The following RAD51 variants were observed in gnomAD, a reference collection of about 807,000 sequenced individuals.
RAD51 encodes DNA repair protein RAD51 homolog 1.
In RAD51, 14 loss-of-function variants were observed where a neutral mutation model predicts 41.5. The observed-to-expected ratio is 0.34, with a 90% CI of 0.22 to 0.53. The LOEUF is 0.53. RAD51 is among the 20% of genes least tolerant of loss of function. RAD51 has a pLI of 0.95. For synonymous variants in RAD51, 136 were observed against 148.6 expected (o/e 0.92, Z 0.62); for missense variants, 234 against 422.0 (o/e 0.55, Z 3.90).
At chr15:40,724,459 C>T (rs968469079) in intron 6 of RAD51, among the ~76,000 whole-genome samples, 3 of 152,038 alleles carry the variant, frequency 2.0e-5, no homozygotes, top group Non-Finnish European at 4.4e-5. Context: ...AGCAGTAGAG[C>T]AATGCATTCA....
chr15:40,717,737 C>T (rs932029333), intron 5 of RAD51, among the ~76,000 whole-genome samples: 9 of 152,104 alleles, frequency 5.9e-5, no homozygotes, highest in Non-Finnish European at 1.2e-4. Context: ...TTGCTATAGA[C>T]ACTCCGAGGG....
intron 3 of RAD51, among the ~76,000 whole-genome samples, chr15:40,704,582 G>C (rs990245360): frequency 6.6e-6 from 1 of 150,972 alleles, no homozygotes; most frequent in African/African-American, 2.4e-5. Flanking sequence ...GGCTGGTCTT[G>C]AACTCCTGAC....
chr15:40,713,069 C>T (rs940336069), intron 5 of RAD51, among the ~76,000 whole-genome samples: 2 of 150,696 alleles, frequency 1.3e-5, no homozygotes, highest in East Asian at 2.0e-4. Context: ...TTAGTAGAGA[C>T]GAGGTTTCAC....
At chr15:40,695,489 C>T (rs1438795342) in intron 1 of RAD51, 64 bp downstream of exon 1, 2 of 151,594 alleles carry the variant, frequency 1.3e-5, no homozygotes, top group African/African-American at 2.4e-5. Flanking sequence ...CACCTGCGTC[C>T]TGGCCGGTCC....
intron 5 of RAD51, among the ~76,000 whole-genome samples, chr15:40,717,408 C>G (rs1896045042): frequency 6.6e-6 from 1 of 152,152 alleles, no homozygotes; most frequent in Non-Finnish European, 1.5e-5. Flanking sequence ...GGATTTTCCT[C>G]ATAATTTAAA....
rs749669458 is a variant in RAD51, at chr15:40,698,862, T to G, written c.87+17T>G. ...CGGTTAGAGGTATGTGGTTAGTTGC[T>G]AATTTTGGAATTATATACTAGATTC... On this transcript the variant is annotated intron_variant, in intron 2 of 9. Coordinates refer to ENST00000267868, the MANE Select transcript of RAD51 (RefSeq NM_002875.5). 3 of 1,608,648 alleles carry G rather than the reference T, an allele frequency of 1.9e-6. No homozygotes were observed. The highest frequency in any genetic ancestry group is 1.7e-5 in the Admixed American group (1 of 60,018).
At chr15:40,713,202 A>G (rs1048565655) in intron 5 of RAD51, among the ~76,000 whole-genome samples, 4 of 144,780 alleles carry the variant, frequency 2.8e-5, no homozygotes, top group African/African-American at 1.0e-4. Context: ...TAAATTTAAC[A>G]TCAAGTAACC....
chr15:40,722,102 A>T (rs1312275187), intron 6 of RAD51, among the ~76,000 whole-genome samples: 2 of 152,198 alleles, frequency 1.3e-5, no homozygotes, highest in Admixed American at 1.3e-4. Context: ...TAAGTGAAAT[A>T]ATTTAGTCAC....
rs1894539036 is a variant in RAD51 at position 40,695,257 on chromosome 15, C to G, written c.-171C>G. ...GTGCGGCGCTTCCCGAGGCGTGCAGCTGGGAACTGCAACTCATCTGGGTTG... is the reference window on the plus strand; with the variant it reads ...GTGCGGCGCTTCCCGAGGCGTGCAGGTGGGAACTGCAACTCATCTGGGTTG... On this transcript the variant is annotated 5_prime_UTR_variant, in exon 1 of 10. Transcript: ENST00000267868. 3 of 152,342 alleles carry G rather than the reference C, an allele frequency of 2.0e-5. 1 individual carries two copies. The South Asian group carries it at 6.2e-4, about 31-fold the overall frequency. 9.4% of individuals were successfully genotyped at this position (152,342 alleles called of 1,614,324 possible).
At chr15:40,705,938 A>G (rs1163003128) in intron 3 of RAD51, among the ~76,000 whole-genome samples, 1 of 152,186 alleles carries the variant, frequency 6.6e-6, no homozygotes, top group Non-Finnish European at 1.5e-5. Flanking sequence ...CTATATTAAT[A>G]TATTAACTTG....
intron 8 of RAD51, 32 bp downstream of exon 8, chr15:40,729,666 A>G (rs767530826): frequency 5.0e-6 from 8 of 1,613,128 alleles, no homozygotes; most frequent in Admixed American, 1.7e-5. Flanking sequence ...GAGAATGCCT[A>G]CTTTCAGTGG....
rs1595986735 is a variant in RAD51, at chr15:40,706,046, A to T, written c.226-131A>T. The T allele has an allele frequency of 7.5e-6, 5 of 662,408 alleles. No homozygotes were observed. In the East Asian group the frequency reaches 1.1e-4, roughly 15 times the overall value. The allele number at this position is 662,408 out of a possible 1,614,324, so 41.0% of individuals were successfully genotyped here. Reference sequence around the variant, plus strand: ...GAAATCATCCTGGTAATTTTATTTGATATTTTCTCTTCCCATTGCACACCT... The same window carrying T: ...GAAATCATCCTGGTAATTTTATTTGTTATTTTCTCTTCCCATTGCACACCT... On this transcript the variant is annotated intron_variant, in intron 3 of 9. Coordinates refer to ENST00000267868, the MANE Select transcript of RAD51 (RefSeq NM_002875.5).
intron 5 of RAD51, among the ~76,000 whole-genome samples, 178 bp downstream of exon 5, chr15:40,709,294 C>T (rs1895541383): frequency 1.3e-5 from 2 of 151,964 alleles, no homozygotes; most frequent in Non-Finnish European, 2.9e-5. Context: ...TAGAAACTTC[C>T]AAATCATTGA....
chr15:40,704,614 C>G (rs1013637494), intron 3 of RAD51, among the ~76,000 whole-genome samples: 29 of 151,158 alleles, frequency 1.9e-4, no homozygotes, highest in African/African-American at 6.8e-4. Flanking sequence ...CCCACCTCAC[C>G]CTACCAAAGT....
In RAD51 at chr15:40,716,173, A is replaced by G. The variant is rs552853885; in HGVS notation, c.436-2632A>G. On this transcript the variant is annotated intron_variant, in intron 5 of 9. Transcript: ENST00000267868. ...CTAAACGCTTTACATGAATTATTTTATTTAGTTTTTAAAACAATCCCATAA... is the reference window on the plus strand; with the variant it reads ...CTAAACGCTTTACATGAATTATTTTGTTTAGTTTTTAAAACAATCCCATAA... Among the ~76,000 whole-genome samples the G allele has an allele frequency of 1.3e-3, 195 of 152,218 alleles. 1 individual carries two copies. The highest frequency in any genetic ancestry group is 1.8e-3 in the Non-Finnish European group (123 of 68,034).
chr15:40,698,683 C>G lies in RAD51; in HGVS notation c.-2-74C>G, dbSNP rs114873497. The G allele has an allele frequency of 2.6e-4, 355 of 1,379,998 alleles. No homozygotes were observed. In the African/African-American group the frequency reaches 4.2e-3, roughly 16 times the overall value. The allele number at this position is 1,379,998 out of a possible 1,614,324, so 85.5% of individuals were successfully genotyped here. A position where few individuals can be genotyped will look rare whatever the true frequency, so the allele number is the denominator to read the frequency against. ...CCTAAAGTCTTTTTGATACGACTAG[C>G]TAGATAGAAGATGGGGAGAGAGATG... On this transcript the variant is annotated intron_variant, in intron 1 of 9. Coordinates refer to ENST00000267868, the MANE Select transcript of RAD51 (RefSeq NM_002875.5).
At chr15:40,720,912 TG>T (rs2141862106) in intron 6 of RAD51, among the ~76,000 whole-genome samples, 1 of 152,356 alleles carries the variant, frequency 6.6e-6, no homozygotes, top group East Asian at 1.9e-4. Context: ...CCAGGTACTG[TG>T]GTGCACACCT....
chr15:40,704,097 C>A (rs145618453), intron 3 of RAD51, among the ~76,000 whole-genome samples: 1 of 151,582 alleles, frequency 6.6e-6, no homozygotes, highest in Non-Finnish European at 1.5e-5. Context: ...ATTTTTGAGA[C>A]GGAGTCTCCC....
intron 6 of RAD51, among the ~76,000 whole-genome samples, chr15:40,728,107 G>A (rs893977583): frequency 6.6e-6 from 1 of 152,068 alleles, no homozygotes; most frequent in African/African-American, 2.4e-5. Context: ...TGATCCACCT[G>A]CCTCGGCATC....
Sources: allele counts gnomAD v4.1 joint callset (sites outside exome capture counted in the v4.1 genomes callset), GRCh38; gene constraint gnomAD v4.1.1; transcripts MANE v1.5; gene names NCBI Gene and HGNC (gene_info 2026-07-23, HGNC 2026-07-21).